Variants in IGSF5 observed in about 807,000 individuals in gnomAD.
IGSF5 encodes the protein immunoglobulin superfamily member 5, also known as immunoglobulin superfamily 5 like.
IGSF5 carries 41 observed loss-of-function variants against 39.4 expected under a neutral mutation model. The ratio of observed to expected loss-of-function variants is 1.04; its 90% confidence interval spans 0.81 to 1.35. IGSF5 has a LOEUF of 1.35. IGSF5 is among the 40% of genes most tolerant of loss of function. IGSF5 has a pLI of 0.00. For synonymous variants in IGSF5, 183 were observed against 175.3 expected (o/e 1.04, Z -0.34); for missense variants, 487 against 494.6 (o/e 0.98, Z 0.15).
chr21:39,765,729 G>A lies in IGSF5; in HGVS notation c.295G>A (p.Asp99Asn), dbSNP rs769443272. The change falls in exon 3 of 9, where the codon GAC becomes AAC. Residue 99 changes from aspartate to asparagine, a missense_variant. Asp to Asn is a conservative substitution (Grantham distance 23, BLOSUM62 1). Transcript: ENST00000380588. ...TGACCGCTTCACCTCTCAGAGGTACGACCAGGGCGGGAACTTCACCTCGGA... is the reference window on the plus strand; with the variant it reads ...TGACCGCTTCACCTCTCAGAGGTACAACCAGGGCGGGAACTTCACCTCGGA... ...TNDRFTSQRYDQGGNFTSEMI... is the reference protein window; with the variant it reads ...TNDRFTSQRYNQGGNFTSEMI... The A allele has an allele frequency of 1.2e-6, 2 of 1,614,070 alleles. No individual in the cohort carries two copies.
the IGSF5 span, among the ~76,000 whole-genome samples, chr21:39,736,698 C>A: frequency 6.6e-6 from 1 of 152,246 alleles, no homozygotes; most frequent in Admixed American, 6.5e-5. Context: ...TGCTATGGAA[C>A]TTCCGAGAGT....
chr21:39,752,192 C>T (rs2080008984), intron 2 of IGSF5, among the ~76,000 whole-genome samples: 2 of 152,110 alleles, frequency 1.3e-5, no homozygotes, highest in African/African-American at 4.8e-5. Context: ...TCCCCAAAGT[C>T]CATTGTGTCA....
intron 5 of IGSF5, among the ~76,000 whole-genome samples, chr21:39,784,791 C>CTTAAAA (rs2080189314): frequency 6.6e-6 from 1 of 152,064 alleles, no homozygotes; most frequent in African/African-American, 2.4e-5. Context: ...TATTTCAATG[C>CTTAAAA]TTAAAAAACA....
In IGSF5 at chr21:39,801,756, AG is replaced by A. The variant is rs2087030939; in HGVS notation, c.*403del. The A allele has an allele frequency of 6.3e-6, 1 of 158,418 alleles. No individual in the cohort carries two copies. Among genetic ancestry groups the A allele is most frequent in the Non-Finnish European group, 1.4e-5 (1 of 71,442 alleles). 9.8% of individuals were successfully genotyped at this position (158,418 alleles called of 1,614,324 possible). ...TGATATTTATGTATATTTAATATGT[AG>A]GGGTATTATTACATATTATCAGTGA... On this transcript the variant is annotated 3_prime_UTR_variant, in exon 9 of 9. Transcript: ENST00000380588.
the IGSF5 span, among the ~76,000 whole-genome samples, chr21:39,732,377 C>T: frequency 3.9e-5 from 6 of 152,310 alleles, no homozygotes; most frequent in South Asian, 2.1e-4. Context: ...CATTAAGTGA[C>T]AATGTGACAT....
At chr21:39,779,911 G>A (rs2080161388) in intron 5 of IGSF5, among the ~76,000 whole-genome samples, 1 of 152,148 alleles carries the variant, frequency 6.6e-6, no homozygotes, top group African/African-American at 2.4e-5. Context: ...AATGGGGGTT[G>A]GGGAGATGTT....
At chr21:39,745,092 A>G (rs1475471592), upstream of IGSF5, among the ~76,000 whole-genome samples, 2 of 144,522 alleles carry the variant, frequency 1.4e-5, no homozygotes, top group Non-Finnish European at 3.0e-5. Context: ...TCTTTCTTTT[A>G]CTCTTTGACT....
the IGSF5 span, among the ~76,000 whole-genome samples, chr21:39,716,003 T>G: frequency 6.6e-6 from 1 of 152,178 alleles, no homozygotes; most frequent in Non-Finnish European, 1.5e-5. Flanking sequence ...GCGGTTACAA[T>G]GAAGGAAACC....
chr21:39,715,258 C>T, the IGSF5 span, among the ~76,000 whole-genome samples: 1 of 152,044 alleles, frequency 6.6e-6, no homozygotes, highest in African/African-American at 2.4e-5. Flanking sequence ...GCTGGGACTA[C>T]AGGTGCATGC....
chr21:39,801,434 T>A lies in IGSF5; in HGVS notation c.*77T>A. On this transcript the variant is annotated 3_prime_UTR_variant, in exon 9 of 9. Transcript: ENST00000380588. ...GCGATGGCATCCTTCCTTTCCATCC[T>A]AAGACTGGCCTGCAGCTTTGCCAAC... 2 of 1,056,320 alleles carry A rather than the reference T, an allele frequency of 1.9e-6. No homozygotes were observed. The highest frequency in any genetic ancestry group is 2.9e-6 in the Non-Finnish European group (2 of 691,280). 65.4% of individuals were successfully genotyped at this position (1,056,320 alleles called of 1,614,324 possible). A position where few individuals can be genotyped will look rare whatever the true frequency, so the allele number is the denominator to read the frequency against.
chr21:39,732,748 G>T, the IGSF5 span, among the ~76,000 whole-genome samples: 1 of 152,142 alleles, frequency 6.6e-6, no homozygotes, highest in African/African-American at 2.4e-5. Context: ...ATTCCAAGCC[G>T]GGAGTGGTGG....
chr21:39,760,938 A>G (rs1345640835), intron 2 of IGSF5, among the ~76,000 whole-genome samples: 4 of 152,180 alleles, frequency 2.6e-5, no homozygotes, highest in Non-Finnish European at 2.9e-5. Context: ...AATCTTTCAA[A>G]CAAAGTCTGG....
In IGSF5 at chr21:39,788,156, C is replaced by CT. The variant is rs766791278; in HGVS notation, c.935-5dup. 1.1e-5 allele frequency: 18 copies of CT among 1,589,470 alleles called. No homozygotes were observed. The highest frequency in any genetic ancestry group is 6.8e-5 in the Admixed American group (4 of 58,466). On this transcript the variant is annotated splice_polypyrimidine_tract_variant and intron_variant, in intron 5 of 8. Coordinates refer to ENST00000380588, the MANE Select transcript of IGSF5 (RefSeq NM_001080444.2). The stretch of plus-strand genomic sequence containing the variant: ...CCGATTTTTCCAATGTAATTTTGTT[C>CT]TTTTTTGCAGGATTTCGTATTCAAT...
At chr21:39,764,839 T>C (rs16998420) in intron 2 of IGSF5, among the ~76,000 whole-genome samples, 11,574 of 152,174 alleles carry the variant, frequency 0.076, 543 homozygotes, top group East Asian at 0.23. Context: ...TGCCAGGGTG[T>C]CTTCTTGCTA....
At chr21:39,746,427 C>T (rs955986483) in intron 2 of IGSF5, 129 bp downstream of exon 2, 3 of 562,340 alleles carry the variant, frequency 5.3e-6, no homozygotes, top group Non-Finnish European at 9.5e-6. Context: ...GGGGGTTGCT[C>T]CCATCCCTCT....
the IGSF5 span, among the ~76,000 whole-genome samples, chr21:39,713,493 C>T: frequency 6.6e-6 from 1 of 152,184 alleles, no homozygotes; most frequent in Non-Finnish European, 1.5e-5. Context: ...TGTGATTCTC[C>T]TGTTGAGACT....
At position 39,788,999 on chromosome 21, in the gene IGSF5, C is replaced by G. The variant is rs78817192; in HGVS notation, c.956+811C>G. 4.5e-4 allele frequency among the ~76,000 whole-genome samples: 68 copies of G among 152,186 alleles called. No homozygotes were observed. The East Asian group carries it at 0.012, about 26-fold the overall frequency. On this transcript the variant is annotated intron_variant, in intron 6 of 8. Transcript: ENST00000380588. ...AAAGGTTATCCCTTCTCCCTCTGACCCCTGGCAATTGTGAAGTTTGGAGAG... is the reference window on the plus strand; with the variant it reads ...AAAGGTTATCCCTTCTCCCTCTGACGCCTGGCAATTGTGAAGTTTGGAGAG...
chr21:39,743,679 C>G (rs556811237), upstream of IGSF5, among the ~76,000 whole-genome samples: 119 of 152,126 alleles, frequency 7.8e-4, 1 homozygote, highest in African/African-American at 2.5e-3. Context: ...TCCTGTAGGG[C>G]ATAAGTCATA....
At chr21:39,746,723 A>AAG (rs2079977101) in intron 2 of IGSF5, among the ~76,000 whole-genome samples, 2 of 152,206 alleles carry the variant, frequency 1.3e-5, no homozygotes, top group African/African-American at 2.4e-5. Context: ...CGTGCTGTGA[A>AAG]TAATAAGACA....
Sources: gnomAD v4.1 joint callset for allele counts (sites outside exome capture counted in the v4.1 genomes callset) on GRCh38, gnomAD v4.1.1 for gene constraint, MANE v1.5 for transcripts, NCBI Gene and HGNC (gene_info 2026-07-23, HGNC 2026-07-21) for gene names.